SH3BP1: variants seen among roughly 807,000 people sequenced by gnomAD.
The protein encoded by SH3BP1 is SH3 domain-binding protein 1.
A neutral mutation model predicts 69.8 loss-of-function variants in SH3BP1; 46 were observed. The ratio of observed to expected loss-of-function variants is 0.66; its 90% CI spans 0.52 to 0.84. SH3BP1 has a LOEUF of 0.84. SH3BP1 is among the 40% of genes least tolerant of loss of function. SH3BP1 has a pLI of 0.00. For missense variants in SH3BP1, 868 were observed against 930.9 expected, an observed-to-expected ratio of 0.93 and a Z score of 0.88; for synonymous variants, 403 against 378.0, an observed-to-expected ratio of 1.07 and a Z score of -0.77.
intron 7 of SH3BP1, 135 bp from the exon 8 acceptor site, chr22:37,644,502 A>T: frequency 1.2e-6 from 1 of 856,426 alleles, no homozygotes; most frequent in Non-Finnish European, 1.9e-6. Flanking sequence ...ACCTTGGCAG[A>T]GAGAGGAGCC....
intron 16 of SH3BP1, among the ~76,000 whole-genome samples, chr22:37,650,983 C>T (rs1199619575): frequency 6.6e-6 from 1 of 152,104 alleles, no homozygotes; most frequent in African/African-American, 2.4e-5. Context: ...GTTTCCAGTC[C>T]TAGGGAACTC....
intron 14 of SH3BP1, 101 bp from the exon 15 acceptor site, chr22:37,650,049 ACT>A: frequency 7.9e-7 from 1 of 1,259,210 alleles, no homozygotes; most frequent in East Asian, 2.3e-5. Context: ...GAGAACAAGG[ACT>A]CAATATGATG....
intron 4 of SH3BP1, 133 bp downstream of exon 4, chr22:37,642,748 G>A (rs1358439678): frequency 1.2e-6 from 2 of 1,601,626 alleles, no homozygotes; most frequent in Non-Finnish European, 1.7e-6. Context: ...GTCAGTGAGG[G>A]TGGCCAGGCC....
At position 37,642,936 on chromosome 22, in the gene SH3BP1, C is replaced by T. The variant is rs573891662; in HGVS notation, c.326C>T (p.Ala109Val). 1.6e-5 allele frequency: 26 copies of T among 1,612,784 alleles called. No individual in the cohort carries two copies. The highest frequency in any genetic ancestry group is 2.2e-5 in the East Asian group (1 of 44,880). The change falls in exon 5 of 18, where the codon GCC becomes GTC. Residue 109 changes from alanine (A) to valine (V), a missense_variant. Coordinates refer to ENST00000649765, the MANE Select transcript of SH3BP1 (RefSeq NM_018957.6). Reference protein sequence around the residue: ...EMSCAIQNQLARILAEFEMTL... With the variant: ...EMSCAIQNQLVRILAEFEMTL... ...AGCTGTGCCATCCAGAATCAGCTGGCCCGCATCCTGGCCGAGTTTGAGATG... is the reference window on the plus strand; with the variant it reads ...AGCTGTGCCATCCAGAATCAGCTGGTCCGCATCCTGGCCGAGTTTGAGATG...
chr22:37,649,660 T>TGTAGTACGCGCCGAGTA lies in SH3BP1; in HGVS notation c.1317-489_1317-488insGTACGCGCCGAGTAGTA, dbSNP rs529125383. Reference sequence around the variant, plus strand: ...TTATCTGGGCGTGGTGGTACGCGCCTGTAATCCCAGCTACTCGGGAGGCTG... The same window carrying TGTAGTACGCGCCGAGTA: ...TTATCTGGGCGTGGTGGTACGCGCCTGTAGTACGCGCCGAGTAGTAATCCCAGCTACTCGGGAGGCTG... On this transcript the variant is annotated intron_variant, in intron 14 of 17. Coordinates refer to ENST00000649765, the MANE Select transcript of SH3BP1 (RefSeq NM_018957.6). Among the ~76,000 whole-genome samples the TGTAGTACGCGCCGAGTA allele has an allele frequency of 1.1e-4, 16 of 152,180 alleles. 1 individual carries two copies. The East Asian group carries it at 2.9e-3, about 28-fold the overall frequency.
intron 1 of SH3BP1, chr22:37,640,731 T>A: frequency 1.5e-5 from 4 of 264,932 alleles, no homozygotes; most frequent in South Asian, 1.2e-4. Context: ...CCTAGGAGTC[T>A]GAGCTCCTGC....
At chr22:37,647,543 C>A in intron 13 of SH3BP1, 22 bp downstream of exon 13, 1 of 1,572,782 alleles carries the variant, frequency 6.4e-7, no homozygotes, top group South Asian at 1.1e-5. Flanking sequence ...CCCGCCTCCC[C>A]AGCCTGCCGC....
At chr22:37,645,324 G>C in intron 9 of SH3BP1, 41 bp from the exon 10 acceptor site, 1 of 1,577,052 alleles carries the variant, frequency 6.3e-7, no homozygotes, top group Non-Finnish European at 8.7e-7. Context: ...ACTGCTCGGG[G>C]TGGGAAGGCC....
At chr22:37,649,779 G>A (rs953933040) in intron 14 of SH3BP1, 28 of 315,228 alleles carry the variant, frequency 8.9e-5, no homozygotes, top group Non-Finnish European at 1.3e-4. Flanking sequence ...GCAAGACTCT[G>A]TCTCAAAAAA....
chr22:37,655,756 G>A lies in SH3BP1; in HGVS notation c.*72G>A, dbSNP rs534636333. On this transcript the variant is annotated 3_prime_UTR_variant, in exon 18 of 18. Transcript: ENST00000649765. Reference sequence around the variant, plus strand: ...ACCTGGCCCTCCCAGGACAGCTCTCGCCCCCCACAAAGGGGCATGGGCCTC... The same window carrying A: ...ACCTGGCCCTCCCAGGACAGCTCTCACCCCCCACAAAGGGGCATGGGCCTC... 183 of 1,443,028 alleles carry A rather than the reference G, an allele frequency of 1.3e-4. No individual in the cohort carries two copies. The highest frequency in any genetic ancestry group is 1.5e-4 in the Non-Finnish European group (168 of 1,101,778). The allele number at this position is 1,443,028 out of a possible 1,614,324, so 89.4% of individuals were successfully genotyped here.
chr22:37,646,820 T>C lies in SH3BP1; in HGVS notation c.927T>C (p.Gly309=). The change falls in exon 11 of 18, where the codon GGT becomes GGC. Residue 309 remains glycine (G), a splice_region_variant and synonymous_variant. Transcript: ENST00000649765. ...TGCCTGCCTCCTCTCGAACCCAGGG[T>C]CTCTTCCGTCTGGCTGCTGGGGCCT... ...MLLSEGMKEE[G]LFRLAAGASV... The C allele has an allele frequency of 6.6e-7, 1 of 1,526,148 alleles. No homozygotes were observed. Among genetic ancestry groups the C allele is most frequent in the Non-Finnish European group, 8.8e-7 (1 of 1,139,070 alleles). 94.5% of individuals were successfully genotyped at this position (1,526,148 alleles called of 1,614,324 possible). A position where few individuals can be genotyped will look rare whatever the true frequency, so the allele number is the denominator to read the frequency against.
chr22:37,643,413 C>G, intron 6 of SH3BP1: 1 of 671,040 alleles, frequency 1.5e-6, no homozygotes, highest in Non-Finnish European at 2.5e-6. Context: ...GTAAACAGTC[C>G]TGCGGCAGCC....
Position 37,641,361 on chromosome 22 carries a change from A to G in SH3BP1, c.103-13A>G, listed in dbSNP as rs1241347365. On this transcript the variant is annotated splice_polypyrimidine_tract_variant and intron_variant, in intron 2 of 17. Coordinates refer to ENST00000649765, the MANE Select transcript of SH3BP1 (RefSeq NM_018957.6). ...GCCTCTCTTGATCCTTAACCTCCAT[A>G]CCTCCTTCCCAGGTAGAACAGCGGC... 6.4e-7 allele frequency: 1 copy of G among 1,550,460 alleles called. No individual in the cohort carries two copies. Among genetic ancestry groups the G allele is most frequent in the Non-Finnish European group, 8.7e-7 (1 of 1,146,612 alleles).
intron 8 of SH3BP1, 48 bp downstream of exon 8, chr22:37,644,753 G>T (rs745489516): frequency 1.2e-6 from 2 of 1,610,006 alleles, no homozygotes; most frequent in African/African-American, 1.3e-5. Context: ...GGGGCTGAAT[G>T]CCAGAGCCAG....
rs762683285 is a variant in SH3BP1, at chr22:37,643,102, A to T, written c.401A>T (p.Glu134Val). Residue 134 changes from glutamate (E) to valine (V), a missense_variant, in exon 6 of 18, where the codon GAG (glutamate) becomes GTG (valine). Around this residue, in one of 3 missense-constraint regions of SH3BP1, gnomAD observed 387 missense variants for 447.9 expected, o/e 0.86. Transcript: ENST00000649765. ...CCCCCCCATGCCCATCCCCAGGAGGAGCTGCCAGCCATCCTCAAACACAAG... is the reference window on the plus strand; with the variant it reads ...CCCCCCCATGCCCATCCCCAGGAGGTGCTGCCAGCCATCCTCAAACACAAG... ...LQPLSRLSEE[E>V]LPAILKHKKS... is the part of the protein sequence containing the mutation. The T allele has an allele frequency of 3.1e-6, 5 of 1,605,010 alleles. No individual in the cohort carries two copies. The South Asian group carries it at 5.5e-5, about 18-fold the overall frequency.
At position 37,655,931 on chromosome 22, in the gene SH3BP1, A is replaced by C. The variant is rs1325117465; in HGVS notation, c.*247A>C. ...GACTCTCCACTCTCCGGCAGGTCCT[A>C]GGGGAGCCACCGGAAGGAAGGAGAG... On this transcript the variant is annotated 3_prime_UTR_variant, in exon 18 of 18. Coordinates refer to ENST00000649765, the MANE Select transcript of SH3BP1 (RefSeq NM_018957.6). 1 of 1,567,196 alleles carries C rather than the reference A, an allele frequency of 6.4e-7. No homozygotes were observed.
intron 6 of SH3BP1, 144 bp from the exon 7 acceptor site, chr22:37,643,500 C>G: frequency 8.3e-7 from 1 of 1,203,040 alleles, no homozygotes; most frequent in Non-Finnish European, 1.2e-6. Flanking sequence ...CATGGCCCAG[C>G]CTGGGCAGAG....
intron 16 of SH3BP1, among the ~76,000 whole-genome samples, chr22:37,651,647 C>T (rs1007656692): frequency 1.3e-5 from 2 of 151,950 alleles, no homozygotes; most frequent in Non-Finnish European, 2.9e-5. Flanking sequence ...TCTCTTTGAT[C>T]GTTTAAATCT....
rs1023467420 is a variant in SH3BP1 at position 37,644,903 on chromosome 22, T to A, written c.721T>A (p.Ser241Thr). The change falls in exon 9 of 18, where the codon TCA becomes ACA. Residue 241 changes from serine (S) to threonine (T), a missense_variant. By Grantham distance (58) the Ser-to-Thr change is moderately conservative. Coordinates refer to ENST00000649765, the MANE Select transcript of SH3BP1 (RefSeq NM_018957.6). ...GATTCAGGCCGATTACCATCGCAGG[T>A]CACTGAGCTCGCTGGACACAGCCCT... The part of the protein sequence containing the change: ...LEIQADYHRR[S>T]LSSLDTALAE... 6.2e-7 allele frequency: 1 copy of A among 1,613,956 alleles called. No individual in the cohort carries two copies. The highest frequency in any genetic ancestry group is 8.5e-7 in the Non-Finnish European group (1 of 1,180,014).
Sources: gnomAD v4.1 joint callset for allele counts (sites outside exome capture counted in the v4.1 genomes callset) on GRCh38, gnomAD v4.1.1 for gene constraint, gnomAD v4.1.1 regional missense constraint, MANE v1.5 for transcripts, NCBI Gene and HGNC (gene_info 2026-07-23, HGNC 2026-07-21) for gene names.